INSC: variants seen among roughly 807,000 people sequenced by gnomAD.
INSC encodes INSC spindle orientation adaptor protein, also known as protein inscuteable homolog.
Under a neutral mutation model 58.6 loss-of-function variants are expected in INSC, and 67 were observed. The ratio of observed to expected loss-of-function variants is 1.14; its 90% CI spans 0.94 to 1.40. INSC has a LOEUF of 1.40. Ranked by LOEUF, INSC falls within the 40% of genes most tolerant of loss-of-function variation. The pLI is 0.00. For synonymous variants in INSC, 262 were observed against 276.1 expected, an observed-to-expected ratio of 0.95 and a Z score of 0.51; for missense variants, 714 against 692.0, an observed-to-expected ratio of 1.03 and a Z score of -0.36.
chr11:15,158,339 T>C (rs1590375538), intron 2 of INSC, among the ~76,000 whole-genome samples: 2 of 151,646 alleles, frequency 1.3e-5, no homozygotes, highest in Admixed American at 1.3e-4. Flanking sequence ...GACCCGTTCC[T>C]GGCCCCACCC....
At chr11:15,166,895 G>A (rs1285064183) in intron 2 of INSC, among the ~76,000 whole-genome samples, 2 of 152,172 alleles carry the variant, frequency 1.3e-5, no homozygotes, top group African/African-American at 2.4e-5. Context: ...AAGTCATGTG[G>A]CCTTTCTACA....
chr11:15,228,054 G>C (rs1851709078), intron 9 of INSC, among the ~76,000 whole-genome samples: 1 of 152,152 alleles, frequency 6.6e-6, no homozygotes, highest in Non-Finnish European at 1.5e-5. Flanking sequence ...TTACAAAGTT[G>C]AAATAAGAAT....
At chr11:15,267,131 C>G in the INSC span, among the ~76,000 whole-genome samples, 2 of 151,926 alleles carry the variant, frequency 1.3e-5, no homozygotes, top group Non-Finnish European at 2.9e-5. Flanking sequence ...TCTTGGTTAA[C>G]AGTTTTTTTG....
intron 1 of INSC, among the ~76,000 whole-genome samples, chr11:15,145,730 A>T (rs1848475829): frequency 6.6e-6 from 1 of 152,174 alleles, no homozygotes; most frequent in African/African-American, 2.4e-5. Context: ...ATTCCATATG[A>T]CTGCAGTGTT....
Position 15,161,572 on chromosome 11 carries a change from A to C in INSC, c.56+12342A>C, listed in dbSNP as rs183826224. Reference sequence around the variant, plus strand: ...GTAGAGCCCACTGAAGGAGAAAAAAACCTTCTCAGTGTTTCTGGTATTGCA... The same window carrying C: ...GTAGAGCCCACTGAAGGAGAAAAAACCCTTCTCAGTGTTTCTGGTATTGCA... On this transcript the variant is annotated intron_variant, in intron 2 of 12. Transcript: ENST00000379556. Among the ~76,000 whole-genome samples the C allele has an allele frequency of 2.4e-4, 36 of 152,304 alleles. No individual in the cohort carries two copies. The East Asian group carries it at 6.9e-3, about 29-fold the overall frequency.
chr11:15,184,633 A>T (rs4548600), intron 5 of INSC: 3,107 of 152,290 alleles, frequency 0.02, 115 homozygotes, highest in African/African-American at 0.071. Flanking sequence ...TGACGTCATG[A>T]TCCGCCTGCC....
the INSC span, among the ~76,000 whole-genome samples, chr11:15,257,839 C>G: frequency 3.4e-3 from 518 of 152,260 alleles, 3 homozygotes; most frequent in African/African-American, 0.012. Context: ...CCTGCCCACC[C>G]TTGATCTGTG....
the INSC span, among the ~76,000 whole-genome samples, chr11:15,257,786 C>G: frequency 6.6e-6 from 1 of 152,140 alleles, no homozygotes; most frequent in Non-Finnish European, 1.5e-5. Flanking sequence ...TAGAGAGAGG[C>G]CTGGAGCCCA....
intron 8 of INSC, among the ~76,000 whole-genome samples, chr11:15,222,766 G>C (rs1400412013): frequency 6.6e-6 from 1 of 152,170 alleles, no homozygotes; most frequent in African/African-American, 2.4e-5. Flanking sequence ...TCTAGTCATG[G>C]GGGCAGTGGC....
intron 7 of INSC, 110 bp downstream of exon 7, chr11:15,201,059 GT>G: frequency 7.4e-7 from 1 of 1,344,694 alleles, no homozygotes; most frequent in Non-Finnish European, 1.0e-6. Context: ...GCCTCGAGTA[GT>G]CCTTTTCCCA....
chr11:15,130,950 G>A (rs1183971764), intron 1 of INSC, among the ~76,000 whole-genome samples: 4 of 151,436 alleles, frequency 2.6e-5, no homozygotes, highest in African/African-American at 7.3e-5. Flanking sequence ...TTTATTTTAT[G>A]TTTTCAAAAA....
At chr11:15,215,367 T>G (rs1298465831) in intron 7 of INSC, among the ~76,000 whole-genome samples, 16 of 152,322 alleles carry the variant, frequency 1.1e-4, no homozygotes. Context: ...TTTCCTAAAA[T>G]GGGACTTGTG....
Position 15,133,388 on chromosome 11 carries a change from G to A in INSC, c.-45-15742G>A, listed in dbSNP as rs192697091. Among the ~76,000 whole-genome samples the A allele has an allele frequency of 1.8e-3, 279 of 152,008 alleles. 1 individual carries two copies. Among genetic ancestry groups the A allele is most frequent in the Admixed American group, 5.3e-3 (81 of 15,262 alleles). ...CCATATTTTATAGCCTTTGTTCTTC[G>A]AAAATGTTTCCATGACTCTCTTTTA... On this transcript the variant is annotated intron_variant, in intron 1 of 12. Coordinates refer to ENST00000379556, the MANE Select transcript of INSC (RefSeq NM_001042536.3).
In INSC at chr11:15,114,957, C is replaced by T; in HGVS notation, c.-92C>T. On this transcript the variant is annotated 5_prime_UTR_variant, in exon 1 of 13. Transcript: ENST00000379556. The stretch of plus-strand genomic sequence containing the variant: ...GCGGCCTCTGGAGCTCCAGCTGCGC[C>T]CCGCCACCACTGGCCGCTCGCACTA... 1 of 985,472 alleles carries T rather than the reference C, an allele frequency of 1.0e-6. No homozygotes were observed. The highest frequency in any genetic ancestry group is 4.7e-5 in the South Asian group (1 of 21,288). 61.0% of individuals were successfully genotyped at this position (985,472 alleles called of 1,614,324 possible). A position where few individuals can be genotyped will look rare whatever the true frequency, so the allele number is the denominator to read the frequency against.
intron 2 of INSC, 116 bp from the exon 3 acceptor site, chr11:15,175,625 G>C: frequency 1.5e-6 from 1 of 656,404 alleles, no homozygotes; most frequent in Non-Finnish European, 2.4e-6. Context: ...GCATGAATGG[G>C]AGAAACACTG....
chr11:15,221,398 T>A, intron 7 of INSC, 79 bp from the exon 8 acceptor site: 1 of 1,484,928 alleles, frequency 6.7e-7, no homozygotes, highest in East Asian at 2.3e-5. Context: ...GGGGGCTGAA[T>A]CTGTATCTGT....
At chr11:15,253,817 C>T in the INSC span, among the ~76,000 whole-genome samples, 1 of 152,082 alleles carries the variant, frequency 6.6e-6, no homozygotes, top group Non-Finnish European at 1.5e-5. Context: ...ATGACTCAGT[C>T]TCAACTGATG....
chr11:15,192,210 G>T (rs76472006), intron 6 of INSC, among the ~76,000 whole-genome samples: 1 of 152,182 alleles, frequency 6.6e-6, no homozygotes. Flanking sequence ...CTGTTGATTG[G>T]GTCCTACATT....
chr11:15,261,400 A>G, the INSC span, among the ~76,000 whole-genome samples: 2 of 152,306 alleles, frequency 1.3e-5, no homozygotes, highest in African/African-American at 2.4e-5. Context: ...TCTTTCTGTA[A>G]TTGCTTAAAT....
Sources: gnomAD v4.1 joint callset for allele counts (sites outside exome capture counted in the v4.1 genomes callset) on GRCh38, gnomAD v4.1.1 for gene constraint, MANE v1.5 for transcripts, NCBI Gene and HGNC (gene_info 2026-07-23, HGNC 2026-07-21) for gene names.